POLK: variants seen among roughly 807,000 people sequenced by gnomAD.
POLK encodes DNA polymerase kappa.
A neutral mutation model predicts 94.0 loss-of-function variants in POLK; 76 were observed. That is an observed-to-expected ratio of 0.81 (90% CI 0.67 to 0.98). The LOEUF (loss-of-function observed/expected upper bound fraction) is 0.98, where lower values mean the gene tolerates loss of function less well. Ranked by LOEUF, POLK falls within the 50% of genes least tolerant of loss-of-function variation. POLK has a pLI of 0.00. For missense variants in POLK, 954 were observed against 1,010.1 expected (o/e 0.94, Z 0.75); for synonymous variants, 349 against 325.4 (o/e 1.07, Z -0.78).
upstream of POLK, chr5:75,511,235 G>A: frequency 6.2e-7 from 1 of 1,610,240 alleles, no homozygotes; most frequent in Non-Finnish European, 8.5e-7. Flanking sequence ...GCAGGAGACC[G>A]GCCCCCGCTC....
intron 12 of POLK, 121 bp downstream of exon 12, chr5:75,594,170 T>C: frequency 6.1e-6 from 4 of 655,790 alleles, no homozygotes; most frequent in Non-Finnish European, 1.1e-5. Context: ...TTTTCAACTT[T>C]GCGACAGTGG....
At chr5:75,523,464 C>T (rs1198360867) in intron 1 of POLK, among the ~76,000 whole-genome samples, 3 of 152,130 alleles carry the variant, frequency 2.0e-5, no homozygotes, top group Admixed American at 2.0e-4. Flanking sequence ...TTTACCTTAG[C>T]CCTCAGGCAG....
At chr5:75,545,811 A>C (rs1270364126) in intron 1 of POLK, among the ~76,000 whole-genome samples, 1 of 152,122 alleles carries the variant, frequency 6.6e-6, no homozygotes, top group African/African-American at 2.4e-5. Context: ...TAAGTTTTCT[A>C]CTCATGCCTG....
At chr5:75,608,574 C>T in the POLK span, among the ~76,000 whole-genome samples, 1 of 152,142 alleles carries the variant, frequency 6.6e-6, no homozygotes, top group African/African-American at 2.4e-5. Context: ...ATAGACATTT[C>T]AGTGGTAAGT....
chr5:75,582,508 TATC>T (rs1226077040), intron 7 of POLK: 1 of 152,184 alleles, frequency 6.6e-6, no homozygotes, highest in Non-Finnish European at 1.5e-5. Context: ...ACCATCTAAT[TATC>T]ATTATTTTAA....
At chr5:75,519,933 T>C (rs570223326) in intron 1 of POLK, among the ~76,000 whole-genome samples, 1 of 152,302 alleles carries the variant, frequency 6.6e-6, no homozygotes, top group South Asian at 2.1e-4. Context: ...TGTTTTGTGG[T>C]TGTTTTGTAC....
At chr5:75,525,626 T>C (rs1580922143) in intron 1 of POLK, among the ~76,000 whole-genome samples, 1 of 151,982 alleles carries the variant, frequency 6.6e-6, no homozygotes, top group Non-Finnish European at 1.5e-5. Flanking sequence ...GAAGAAACAA[T>C]AGTAATAGCC....
downstream of POLK, among the ~76,000 whole-genome samples, chr5:75,601,643 G>A (rs2112917238): frequency 6.6e-6 from 1 of 152,310 alleles, no homozygotes; most frequent in South Asian, 2.1e-4. Context: ...CATGTCTTCT[G>A]CCCTTGAACA....
chr5:75,569,245 T>G, intron 3 of POLK, 95 bp from the exon 4 acceptor site: 1 of 816,420 alleles, frequency 1.2e-6, no homozygotes, highest in Non-Finnish European at 1.9e-6. Flanking sequence ...GGACAGAGAC[T>G]GATAGACACT....
intron 11 of POLK, among the ~76,000 whole-genome samples, chr5:75,593,362 C>T (rs1430370003): frequency 6.6e-6 from 1 of 152,120 alleles, no homozygotes; most frequent in East Asian, 1.9e-4. Context: ...GAACTCCTGA[C>T]CTCGTGATCC....
chr5:75,598,303 T>C (rs5744718), exon 15 of POLK: 2,612 of 174,454 alleles, frequency 0.015, 81 homozygotes, highest in African/African-American at 0.058. Flanking sequence ...ATTTTTTTAT[T>C]ATTTTTATAC....
chr5:75,530,767 C>T (rs1769134935), intron 1 of POLK, among the ~76,000 whole-genome samples: 1 of 150,176 alleles, frequency 6.7e-6, no homozygotes, highest in South Asian at 2.1e-4. Flanking sequence ...TGGCCTAGCA[C>T]TGTAGCAGTT....
intron 6 of POLK, among the ~76,000 whole-genome samples, chr5:75,578,881 A>G (rs971016914): frequency 4.6e-5 from 7 of 152,244 alleles, no homozygotes; most frequent in African/African-American, 1.7e-4. Flanking sequence ...AGATAATATA[A>G]GAAACTGAAA....
At chr5:75,527,500 T>TACACACAC (rs1485138400) in intron 1 of POLK, among the ~76,000 whole-genome samples, 55 of 116,056 alleles carry the variant, frequency 4.7e-4, no homozygotes, top group African/African-American at 2.3e-3. Context: ...AAAATTTATA[T>TACACACAC]ATACACACAC....
chr5:75,560,343 T>C (rs1407859286), intron 3 of POLK, among the ~76,000 whole-genome samples: 1 of 152,196 alleles, frequency 6.6e-6, no homozygotes, highest in Non-Finnish European at 1.5e-5. Flanking sequence ...ATAGGTGCAT[T>C]ACATGGGTGT....
downstream of POLK, among the ~76,000 whole-genome samples, chr5:75,601,759 G>T (rs1003872580): frequency 6.6e-6 from 1 of 152,142 alleles, no homozygotes; most frequent in Non-Finnish European, 1.5e-5. Flanking sequence ...CCATCTGCTT[G>T]TCTGCTTTTG....
chr5:75,601,798 G>T (rs1218635643), downstream of POLK, among the ~76,000 whole-genome samples: 1 of 152,094 alleles, frequency 6.6e-6, no homozygotes, highest in Non-Finnish European at 1.5e-5. Context: ...TGGCTTCCTG[G>T]CTTCTCAGCT....
intron 1 of POLK, among the ~76,000 whole-genome samples, chr5:75,533,025 G>A (rs59506842): frequency 0.22 from 33,702 of 151,924 alleles, 3,864 homozygotes; most frequent in South Asian, 0.4. Context: ...ATTTTCTCCC[G>A]TTCTGTAGGT....
intron 3 of POLK, among the ~76,000 whole-genome samples, chr5:75,557,361 C>T (rs1770687659): frequency 6.6e-6 from 1 of 152,162 alleles, no homozygotes; most frequent in Non-Finnish European, 1.5e-5. Context: ...TTGACATCCA[C>T]AAAATAGCTT....
Sources: allele counts gnomAD v4.1 joint callset (sites outside exome capture counted in the v4.1 genomes callset), GRCh38; gene constraint gnomAD v4.1.1; transcripts MANE v1.5; gene names NCBI Gene and HGNC (gene_info 2026-07-23, HGNC 2026-07-21).